CCDC73: variants seen among roughly 807,000 people sequenced by gnomAD.
CCDC73 encodes coiled-coil domain-containing protein 73.
Under a neutral mutation model 116.5 loss-of-function variants are expected in CCDC73, and 95 were observed. That is an observed-to-expected ratio of 0.82 (90% confidence interval 0.69 to 0.97). The LOEUF is 0.97. CCDC73 is among the 50% of genes least tolerant of loss of function. The pLI is 0.00. For missense variants in CCDC73, 1,066 were observed against 1,206.8 expected, an observed-to-expected ratio of 0.88 and a Z score of 1.73; for synonymous variants, 398 against 401.3, an observed-to-expected ratio of 0.99 and a Z score of 0.10.
intron 2 of CCDC73, among the ~76,000 whole-genome samples, chr11:32,746,420 C>T (rs1850240169): frequency 1.3e-5 from 2 of 152,102 alleles, no homozygotes; most frequent in African/African-American, 2.4e-5. Context: ...ATGCTCTTCT[C>T]AAGGAGTATC....
intron 1 of CCDC73, among the ~76,000 whole-genome samples, chr11:32,773,361 G>A (rs1443778791): frequency 6.6e-6 from 1 of 152,124 alleles, no homozygotes; most frequent in Non-Finnish European, 1.5e-5. Context: ...TGATTGTGGT[G>A]ATGGATAAAC....
intron 14 of CCDC73, among the ~76,000 whole-genome samples, chr11:32,623,693 A>G (rs1855543335): frequency 6.6e-6 from 1 of 152,172 alleles, no homozygotes; most frequent in Non-Finnish European, 1.5e-5. Context: ...GAAGTAAGAA[A>G]GCAAAAAGTA....
intron 1 of CCDC73, among the ~76,000 whole-genome samples, chr11:32,768,121 A>AC (rs1322326731): frequency 6.6e-6 from 1 of 152,234 alleles, no homozygotes; most frequent in East Asian, 1.9e-4. Flanking sequence ...GCACATATAC[A>AC]CCATGGAATA....
intron 9 of CCDC73, among the ~76,000 whole-genome samples, chr11:32,658,023 T>TA (rs11309519): frequency 1.7e-4 from 22 of 133,010 alleles, no homozygotes; most frequent in South Asian, 4.9e-4. Flanking sequence ...CTAGTCTCTT[T>TA]AAAAAAAAAA....
intron 1 of CCDC73, among the ~76,000 whole-genome samples, chr11:32,785,684 A>G (rs117292362): frequency 0.031 from 4,708 of 152,260 alleles, 107 homozygotes; most frequent in Non-Finnish European, 0.051. Flanking sequence ...GATTACAGGC[A>G]TGAGCCACCA....
At position 32,618,841 on chromosome 11, in the gene CCDC73, C is replaced by T. The variant is rs191687416; in HGVS notation, c.1186-2712G>A. On this transcript the variant is annotated intron_variant, in intron 14 of 17. Coordinates refer to ENST00000335185, the MANE Select transcript of CCDC73 (RefSeq NM_001008391.4). Reference sequence around the variant, plus strand: ...TGCTGGGATTACAGGCATGAGCCACCGTGCCCAGCCTCTTCTTTTTTTAAT... The same window carrying T: ...TGCTGGGATTACAGGCATGAGCCACTGTGCCCAGCCTCTTCTTTTTTTAAT... Among the ~76,000 whole-genome samples, 388 of 152,124 alleles carry T rather than the reference C, an allele frequency of 2.6e-3. 2 individuals are homozygous for T. Among genetic ancestry groups the T allele is most frequent in the Non-Finnish European group, 3.9e-3 (265 of 67,972 alleles).
At chr11:32,768,273 G>A (rs537438152) in intron 1 of CCDC73, among the ~76,000 whole-genome samples, 18 of 152,232 alleles carry the variant, frequency 1.2e-4, no homozygotes, top group African/African-American at 4.1e-4. Context: ...ATTGAACAAT[G>A]AGAACACTCG....
At chr11:32,798,335 G>T (rs535416302), upstream of CCDC73, among the ~76,000 whole-genome samples, 12 of 152,336 alleles carry the variant, frequency 7.9e-5, no homozygotes, top group Non-Finnish European at 1.5e-4. Flanking sequence ...CGCTCACTAC[G>T]CAGGCTGGAG....
chr11:32,720,920 C>G (rs1227267246), intron 2 of CCDC73, among the ~76,000 whole-genome samples: 2 of 152,156 alleles, frequency 1.3e-5, no homozygotes, highest in South Asian at 4.1e-4. Context: ...TCAAAACTCA[C>G]TGAATGTACA....
rs563245760 is a variant in CCDC73 at position 32,765,390 on chromosome 11, A to G, written c.-15-5132T>C. On this transcript the variant is annotated intron_variant, in intron 1 of 17. Coordinates refer to ENST00000335185, the MANE Select transcript of CCDC73 (RefSeq NM_001008391.4). ...GTTAAGCACTCCTCAGCAAATGTAA[A>G]AGAACAAATTATAACAAACTGTCTC... Among the ~76,000 whole-genome samples the G allele has an allele frequency of 1.6e-3, 163 of 98,876 alleles. 4 individuals carry two copies. In the South Asian group the frequency reaches 0.06, roughly 37 times the overall value. The allele number at this position is 98,876 out of a possible 152,430, so 64.9% of individuals were successfully genotyped here.
At chr11:32,603,063 A>G (rs772738418) in intron 17 of CCDC73, 43 bp from the exon 18 acceptor site, 3 of 1,460,624 alleles carry the variant, frequency 2.1e-6, no homozygotes, top group Non-Finnish European at 2.8e-6. Context: ...TTATTATACA[A>G]AAGATTTTAA....
chr11:32,660,775 T>G (rs924411018), intron 9 of CCDC73, among the ~76,000 whole-genome samples: 14 of 152,002 alleles, frequency 9.2e-5, no homozygotes, highest in African/African-American at 3.4e-4. Context: ...CAGTGAGTTG[T>G]GATATCGCAC....
At chr11:32,746,187 C>T (rs564381067) in intron 2 of CCDC73, among the ~76,000 whole-genome samples, 1 of 152,240 alleles carries the variant, frequency 6.6e-6, no homozygotes, top group African/African-American at 2.4e-5. Flanking sequence ...ACTTATGAAG[C>T]TCAGTTTGGC....
chr11:32,629,770 C>CA (rs33970031), intron 14 of CCDC73, among the ~76,000 whole-genome samples: 19,007 of 121,476 alleles, frequency 0.16, 1,545 homozygotes, highest in Middle Eastern at 0.18. Flanking sequence ...CAATGCAAGC[C>CA]AAAAAAAAAA....
chr11:32,611,007 G>A, intron 17 of CCDC73, 125 bp downstream of exon 17: 1 of 855,714 alleles, frequency 1.2e-6, no homozygotes, highest in South Asian at 2.1e-5. Context: ...ATGGTGCCAT[G>A]TTGCCCTCTT....
chr11:32,742,604 G>C (rs1323758973), intron 2 of CCDC73, among the ~76,000 whole-genome samples: 2 of 152,152 alleles, frequency 1.3e-5, no homozygotes, highest in East Asian at 3.8e-4. Flanking sequence ...CATTCTGTAG[G>C]TTGCCTGTTC....
At chr11:32,665,983 T>C (rs1855977078) in intron 9 of CCDC73, among the ~76,000 whole-genome samples, 1 of 152,216 alleles carries the variant, frequency 6.6e-6, no homozygotes, top group Non-Finnish European at 1.5e-5. Context: ...GTTGAATATA[T>C]GGCCCACACT....
At chr11:32,729,692 T>C (rs1565086634) in intron 2 of CCDC73, among the ~76,000 whole-genome samples, 1 of 152,164 alleles carries the variant, frequency 6.6e-6, no homozygotes, top group Non-Finnish European at 1.5e-5. Flanking sequence ...GCATCTGTTG[T>C]TTTTTGACTT....
intron 1 of CCDC73, among the ~76,000 whole-genome samples, chr11:32,789,852 T>C (rs1404394172): frequency 2.0e-5 from 3 of 152,190 alleles, no homozygotes; most frequent in Admixed American, 2.0e-4. Context: ...TATAATACAA[T>C]GTGATCATGT....
Sources: gnomAD v4.1 joint callset for allele counts (sites outside exome capture counted in the v4.1 genomes callset) on GRCh38, gnomAD v4.1.1 for gene constraint, MANE v1.5 for transcripts, NCBI Gene and HGNC (gene_info 2026-07-23, HGNC 2026-07-21) for gene names.